The following INPP4B variants were observed in gnomAD, a reference collection of about 807,000 sequenced individuals.
The protein encoded by INPP4B is inositol polyphosphate 4-phosphatase type II.
Under a neutral mutation model 122.5 loss-of-function variants are expected in INPP4B, and 55 were observed. The observed-to-expected ratio is 0.45, with a 90% CI of 0.36 to 0.56. The LOEUF (loss-of-function observed/expected upper bound fraction) is 0.56. Among genes scored for constraint, INPP4B ranks in the 20% least tolerant of loss-of-function variants. The pLI is 0.00. For missense variants in INPP4B, 1,000 were observed against 1,097.7 expected, an observed-to-expected ratio of 0.91 and a Z score of 1.26; for synonymous variants, 403 against 388.7, an observed-to-expected ratio of 1.04 and a Z score of -0.43.
intron 8 of INPP4B, among the ~76,000 whole-genome samples, chr4:142,307,586 T>G (rs909898592): frequency 6.6e-6 from 1 of 152,218 alleles, no homozygotes; most frequent in Non-Finnish European, 1.5e-5. Flanking sequence ...TTGCAGCTAT[T>G]TATAAACTAC....
intron 1 of INPP4B, among the ~76,000 whole-genome samples, chr4:142,829,679 G>T (rs1003184414): frequency 2.0e-5 from 3 of 152,136 alleles, no homozygotes; most frequent in Non-Finnish European, 4.4e-5. Context: ...TATCCTCAAA[G>T]TGCTGAAAGA....
At chr4:142,030,365 A>T in intron 25 of INPP4B, 2 of 1,394,078 alleles carry the variant, frequency 1.4e-6, no homozygotes, top group African/African-American at 1.4e-5. Context: ...CAGTAAAAAA[A>T]ATTCAGCCTT....
At chr4:142,568,255 C>T (rs749222043) in intron 2 of INPP4B, among the ~76,000 whole-genome samples, 48 of 151,428 alleles carry the variant, frequency 3.2e-4, no homozygotes, top group African/African-American at 1.1e-3. Context: ...TCGTTTCTTT[C>T]GTTTTCAAGG....
rs374438690 is a variant in INPP4B, at chr4:142,137,184, T to G, written c.1720+8656A>C. On this transcript the variant is annotated intron_variant, in intron 18 of 25. Coordinates refer to ENST00000262992, the MANE Select transcript of INPP4B (RefSeq NM_001101669.3). ...ACAGCATGATACTGGTACCAAAACA[T>G]AGATATAGATCAATGGAACAGAACA... Among the ~76,000 whole-genome samples, 462 of 152,028 alleles carry G rather than the reference T, an allele frequency of 3.0e-3. 2 individuals carry two copies. The highest frequency in any genetic ancestry group is 0.011 in the African/African-American group (444 of 41,432).
At chr4:142,460,069 C>T (rs1816389066) in intron 3 of INPP4B, among the ~76,000 whole-genome samples, 1 of 152,154 alleles carries the variant, frequency 6.6e-6, no homozygotes, top group Non-Finnish European at 1.5e-5. Context: ...TCCTTCCCTT[C>T]CTTTCTAGAA....
At chr4:142,545,764 T>C (rs1829533177) in intron 2 of INPP4B, among the ~76,000 whole-genome samples, 4 of 145,802 alleles carry the variant, frequency 2.7e-5, no homozygotes, top group Non-Finnish European at 1.5e-5. Context: ...CACATGTATA[T>C]GTGTGTATAT....
chr4:142,461,739 A>T (rs1816781690), intron 3 of INPP4B, among the ~76,000 whole-genome samples: 1 of 152,180 alleles, frequency 6.6e-6, no homozygotes. Flanking sequence ...CTTTTGAAAG[A>T]TTTCCCAATA....
chr4:142,477,214 A>G (rs1275688415), intron 2 of INPP4B, among the ~76,000 whole-genome samples: 1 of 152,224 alleles, frequency 6.6e-6, no homozygotes, highest in Non-Finnish European at 1.5e-5. Context: ...AACCAATGAA[A>G]TGAGCACAGA....
chr4:142,114,946 C>T (rs1792289759), intron 21 of INPP4B, among the ~76,000 whole-genome samples: 1 of 151,894 alleles, frequency 6.6e-6, no homozygotes, highest in Non-Finnish European at 1.5e-5. Flanking sequence ...CTAGAATAAA[C>T]AGTATAGAGA....
In INPP4B at chr4:142,441,697, T is replaced by C. The variant is rs192547432; in HGVS notation, c.-126-10312A>G. On this transcript the variant is annotated intron_variant, in intron 3 of 25. Coordinates refer to ENST00000262992, the MANE Select transcript of INPP4B (RefSeq NM_001101669.3). ...TAAGGGGACAAGAAAAGAAGTTAGTTGGAAAAGGCATGGTCAGTGATGGGA... is the reference window on the plus strand; with the variant it reads ...TAAGGGGACAAGAAAAGAAGTTAGTCGGAAAAGGCATGGTCAGTGATGGGA... Among the ~76,000 whole-genome samples the C allele has an allele frequency of 4.2e-3, 637 of 152,030 alleles. 9 individuals carry two copies. Among genetic ancestry groups the C allele is most frequent in the African/African-American group, 0.015 (610 of 41,474 alleles).
chr4:142,264,399 G>A (rs1741765132), intron 10 of INPP4B, among the ~76,000 whole-genome samples: 1 of 152,174 alleles, frequency 6.6e-6, no homozygotes, highest in Non-Finnish European at 1.5e-5. Context: ...AAGAAAAAAT[G>A]TTTTGGATAC....
At chr4:142,280,011 T>C (rs1399038011) in intron 9 of INPP4B, among the ~76,000 whole-genome samples, 2 of 151,938 alleles carry the variant, frequency 1.3e-5, no homozygotes, top group African/African-American at 4.8e-5. Context: ...TTGAACATTA[T>C]TGGCCATTAA....
chr4:142,843,963 A>G (rs1031179574), intron 1 of INPP4B, among the ~76,000 whole-genome samples: 1 of 152,140 alleles, frequency 6.6e-6, no homozygotes, highest in East Asian at 1.9e-4. Context: ...CTTTTCCCTA[A>G]GCTTAATGAT....
chr4:142,470,858 A>C (rs1326371764), intron 2 of INPP4B, among the ~76,000 whole-genome samples: 1 of 152,234 alleles, frequency 6.6e-6, no homozygotes, highest in African/African-American at 2.4e-5. Flanking sequence ...AGTTACCACA[A>C]TATGACCAAA....
At chr4:142,240,792 T>C (rs1372643157) in intron 11 of INPP4B, among the ~76,000 whole-genome samples, 1 of 152,160 alleles carries the variant, frequency 6.6e-6, no homozygotes, top group East Asian at 1.9e-4. Context: ...AGTATTATTT[T>C]TTAAATAAAG....
intron 2 of INPP4B, among the ~76,000 whole-genome samples, chr4:142,652,600 C>T (rs902765104): frequency 1.3e-5 from 2 of 152,116 alleles, no homozygotes; most frequent in African/African-American, 4.8e-5. Context: ...CATGAGTGAA[C>T]TCCCATTCAC....
chr4:142,335,538 C>T lies in INPP4B; in HGVS notation c.373-20776G>A, dbSNP rs529947909. Among the ~76,000 whole-genome samples the T allele has an allele frequency of 2.6e-4, 39 of 152,242 alleles. 1 individual carries two copies. Among genetic ancestry groups the T allele is most frequent in the Admixed American group, 1.8e-3 (28 of 15,292 alleles). On this transcript the variant is annotated intron_variant, in intron 7 of 25. Coordinates refer to ENST00000262992, the MANE Select transcript of INPP4B (RefSeq NM_001101669.3). ...TACCAGAGGGGAAGAAATACTGGTGCAAGTCTAATGGATATTTACATATAT... is the reference window on the plus strand; with the variant it reads ...TACCAGAGGGGAAGAAATACTGGTGTAAGTCTAATGGATATTTACATATAT...
At chr4:142,447,567 A>G (rs1358247840) in intron 3 of INPP4B, among the ~76,000 whole-genome samples, 1 of 152,196 alleles carries the variant, frequency 6.6e-6, no homozygotes, top group Non-Finnish European at 1.5e-5. Flanking sequence ...AGACAAAGAA[A>G]CTATGCATCA....
At chr4:142,455,472 A>G (rs1815198232) in intron 3 of INPP4B, among the ~76,000 whole-genome samples, 1 of 151,992 alleles carries the variant, frequency 6.6e-6, no homozygotes, top group African/African-American at 2.4e-5. Flanking sequence ...AGTTCCATCC[A>G]TGTTGTGAAT....
Sources: gnomAD v4.1 joint callset for allele counts (sites outside exome capture counted in the v4.1 genomes callset) on GRCh38, gnomAD v4.1.1 for gene constraint, MANE v1.5 for transcripts, NCBI Gene and HGNC (gene_info 2026-07-23, HGNC 2026-07-21) for gene names.